CCDC7: variants seen among roughly 807,000 people sequenced by gnomAD.
CCDC7 encodes coiled-coil domain-containing protein 7.
In CCDC7, 183 loss-of-function variants were observed where a neutral mutation model predicts 196.9. The ratio of observed to expected loss-of-function variants is 0.93; its 90% CI spans 0.82 to 1.05. The LOEUF is 1.05. Ranked by LOEUF, CCDC7 falls within the 50% of genes least tolerant of loss-of-function variation. The pLI, the probability that CCDC7 is intolerant of heterozygous loss-of-function variation, is 0.00. For synonymous variants in CCDC7, 525 were observed against 484.6 expected, an observed-to-expected ratio of 1.08 and a Z score of -1.10; for missense variants, 1,540 against 1,482.2, an observed-to-expected ratio of 1.04 and a Z score of -0.64.
upstream of CCDC7, chr10:32,451,618 A>G: frequency 4.5e-6 from 7 of 1,546,090 alleles, no homozygotes; most frequent in South Asian, 5.1e-5. Flanking sequence ...TTCATCTGTA[A>G]TTTGGAAGCC....
chr10:32,592,201 T>C (rs1417229900), intron 18 of CCDC7, among the ~76,000 whole-genome samples: 1 of 152,126 alleles, frequency 6.6e-6, no homozygotes, highest in Non-Finnish European at 1.5e-5. Flanking sequence ...ATAATGTTTC[T>C]TTTTCATTTC....
intron 31 of CCDC7, among the ~76,000 whole-genome samples, chr10:32,816,379 C>T (rs1233362326): frequency 6.6e-6 from 1 of 152,224 alleles, no homozygotes; most frequent in Non-Finnish European, 1.5e-5. Context: ...TCAAGGAGGC[C>T]TGCCTGCCTC....
chr10:32,841,055 G>A lies in CCDC7; in HGVS notation c.3353-4188G>A, dbSNP rs117962997. Among the ~76,000 whole-genome samples, 7 of 151,330 alleles carry A rather than the reference G, an allele frequency of 4.6e-5. No individual in the cohort carries two copies. In the East Asian group the frequency reaches 1.2e-3, roughly 25 times the overall value. ...ACCAACAGCCAACATTACACTGAAC[G>A]GGTTTTGAAAGCATTCCCCCTGAAA... On this transcript the variant is annotated intron_variant, in intron 33 of 41. Transcript: ENST00000639629.
upstream of CCDC7, among the ~76,000 whole-genome samples, chr10:32,445,014 C>A (rs1438340166): frequency 6.6e-6 from 1 of 152,012 alleles, no homozygotes; most frequent in Non-Finnish European, 1.5e-5. Context: ...CCATCACGCC[C>A]GGCTAATTTT....
intron 21 of CCDC7, among the ~76,000 whole-genome samples, chr10:32,667,979 T>C (rs1369661604): frequency 1.3e-5 from 2 of 152,066 alleles, no homozygotes; most frequent in Non-Finnish European, 2.9e-5. Context: ...ATTTTCACGA[T>C]ATTGATTCTT....
chr10:32,476,411 G>T (rs2038989756), intron 8 of CCDC7, among the ~76,000 whole-genome samples: 1 of 151,816 alleles, frequency 6.6e-6, no homozygotes, highest in African/African-American at 2.4e-5. Flanking sequence ...CTTTTTAATT[G>T]CTGATAAATA....
intron 16 of CCDC7, among the ~76,000 whole-genome samples, chr10:32,579,007 CCA>C (rs926363173): frequency 6.6e-6 from 1 of 151,968 alleles, no homozygotes; most frequent in African/African-American, 2.4e-5. Flanking sequence ...GGGTTTTGTC[CCA>C]CATTGAAAAT....
At position 32,736,686 on chromosome 10, in the gene CCDC7, G is replaced by A. The variant is rs2084925314; in HGVS notation, c.2905+7229G>A. Among the ~76,000 whole-genome samples the A allele has an allele frequency of 2.0e-5, 3 of 152,060 alleles. No homozygotes were observed. In the South Asian group the frequency reaches 6.2e-4, roughly 31 times the overall value. On this transcript the variant is annotated intron_variant, in intron 28 of 41. Transcript: ENST00000639629. ...CATTTTTTTGGTGATAATGTGAATA[G>A]TATTGTGTGTTTAATTTGAAATATC... is the stretch of plus-strand genomic sequence containing the variant.
chr10:32,577,235 G>A (rs564021909), intron 16 of CCDC7, among the ~76,000 whole-genome samples: 3 of 152,090 alleles, frequency 2.0e-5, no homozygotes, highest in Non-Finnish European at 2.9e-5. Flanking sequence ...GGTCGTGCGC[G>A]CCTGTAGTCC....
At position 32,742,018 on chromosome 10, in the gene CCDC7, T is replaced by C. The variant is rs186949683; in HGVS notation, c.2905+12561T>C. Among the ~76,000 whole-genome samples the C allele has an allele frequency of 3.6e-3, 551 of 152,340 alleles. 5 individuals carry two copies. Among genetic ancestry groups the C allele is most frequent in the African/African-American group, 0.013 (523 of 41,582 alleles). On this transcript the variant is annotated intron_variant, in intron 28 of 41. Coordinates refer to ENST00000639629, the Ensembl canonical transcript of CCDC7. ...ACACCAACTTACTTTATGTTGGTATTTATGTGATGTATTCTTATAAGGCCA... is the reference window on the plus strand; with the variant it reads ...ACACCAACTTACTTTATGTTGGTATCTATGTGATGTATTCTTATAAGGCCA...
intron 24 of CCDC7, among the ~76,000 whole-genome samples, chr10:32,703,270 A>G (rs1397010929): frequency 6.6e-6 from 1 of 152,052 alleles, no homozygotes; most frequent in Non-Finnish European, 1.5e-5. Flanking sequence ...TCCTTCACTT[A>G]TGAAGCTTAG....
intron 16 of CCDC7, 78 bp from the exon 18 acceptor site, chr10:32,582,956 T>C: frequency 1.2e-6 from 1 of 815,538 alleles, no homozygotes. Flanking sequence ...TATCCTTATA[T>C]ATTATTAAAA....
chr10:32,645,181 A>G (rs2067539392), intron 20 of CCDC7, among the ~76,000 whole-genome samples: 1 of 152,212 alleles, frequency 6.6e-6, no homozygotes, highest in Non-Finnish European at 1.5e-5. Flanking sequence ...TGGCTATTAT[A>G]AAAATGACAA....
intron 29 of CCDC7, among the ~76,000 whole-genome samples, chr10:32,796,618 G>T (rs1048483536): frequency 1.3e-5 from 2 of 152,088 alleles, no homozygotes; most frequent in Non-Finnish European, 2.9e-5. Context: ...ATACTTATTT[G>T]CCATGCCCAA....
chr10:32,816,463 C>T lies in CCDC7; in HGVS notation c.3181+2010C>T, dbSNP rs2088586592. Among the ~76,000 whole-genome samples, 6 of 152,224 alleles carry T rather than the reference C, an allele frequency of 3.9e-5. No homozygotes were observed. In the South Asian group the frequency reaches 1.2e-3, roughly 32 times the overall value. Reference sequence around the variant, plus strand: ...GAAACCTCTGCAGACTTAAATGTCCCTGTCTGACAGCTTTGAAGAGAGTAG... The same window carrying T: ...GAAACCTCTGCAGACTTAAATGTCCTTGTCTGACAGCTTTGAAGAGAGTAG... On this transcript the variant is annotated intron_variant, in intron 31 of 41. Coordinates refer to ENST00000639629, the Ensembl canonical transcript of CCDC7.
At chr10:32,751,997 T>C (rs1027981850) in intron 28 of CCDC7, among the ~76,000 whole-genome samples, 2 of 152,178 alleles carry the variant, frequency 1.3e-5, no homozygotes, top group Admixed American at 1.3e-4. Flanking sequence ...GTAGTCCATC[T>C]GCAACCAGAT....
chr10:32,502,370 C>T (rs2044204613), intron 9 of CCDC7, among the ~76,000 whole-genome samples: 1 of 152,212 alleles, frequency 6.6e-6, no homozygotes, highest in Non-Finnish European at 1.5e-5. Flanking sequence ...TGCTTCAGCT[C>T]ACCCTCCATG....
intron 28 of CCDC7, among the ~76,000 whole-genome samples, chr10:32,749,527 C>A (rs1334037086): frequency 6.6e-6 from 1 of 152,092 alleles, no homozygotes; most frequent in Non-Finnish European, 1.5e-5. Flanking sequence ...CTGAGGAGAA[C>A]TATTGTCTTT....
At position 32,834,531 on chromosome 10, in the gene CCDC7, A is replaced by G. The variant is rs2092450140; in HGVS notation, c.3269-284A>G. ...AAGCACTGGTTAAGGAGTAACAAAC[A>G]TCTATTTCTGTATAAGTTTTATAGT... On this transcript the variant is annotated intron_variant, in intron 32 of 41. Coordinates refer to ENST00000639629, the Ensembl canonical transcript of CCDC7. Among the ~76,000 whole-genome samples, 6 of 152,144 alleles carry G rather than the reference A, an allele frequency of 3.9e-5. No individual in the cohort carries two copies. The South Asian group carries it at 1.0e-3, about 26-fold the overall frequency.
Sources: allele counts gnomAD v4.1 joint callset (sites outside exome capture counted in the v4.1 genomes callset), GRCh38; gene constraint gnomAD v4.1.1; transcripts MANE v1.5; gene names NCBI Gene and HGNC (gene_info 2026-07-23, HGNC 2026-07-21).